The following CAMK2D variants were observed in gnomAD, a reference collection of about 807,000 sequenced individuals.
CAMK2D encodes calcium/calmodulin-dependent protein kinase type II subunit delta.
CAMK2D carries 37 observed loss-of-function variants against 84.0 expected under a neutral mutation model. The observed-to-expected ratio is 0.44, with a 90% CI of 0.34 to 0.58. CAMK2D has a LOEUF of 0.58. Ranked by LOEUF, CAMK2D falls within the 20% of genes least tolerant of loss-of-function variation. The pLI is 0.02. For synonymous variants in CAMK2D, 202 were observed against 212.5 expected, an observed-to-expected ratio of 0.95 and a Z score of 0.43; for missense variants, 448 against 652.5, an observed-to-expected ratio of 0.69 and a Z score of 3.41.
At chr4:113,492,447 C>A (rs974285657) in intron 16 of CAMK2D, among the ~76,000 whole-genome samples, 10 of 152,198 alleles carry the variant, frequency 6.6e-5, no homozygotes, top group Admixed American at 1.3e-4. Context: ...TGTAGTTGAG[C>A]GGTTTTGAGT....
At chr4:113,526,414 A>ATATGTGTGTGTGTGTGTGTG (rs1553930374) in intron 8 of CAMK2D, among the ~76,000 whole-genome samples, 308 of 149,664 alleles carry the variant, frequency 2.1e-3, no homozygotes, top group African/African-American at 7.0e-3. Context: ...GTCATTCTTG[A>ATATGTGTGTGTGTGTGTGTG]TGTGTGTGTG....
At chr4:113,588,388 A>T (rs533212002) in intron 4 of CAMK2D, among the ~76,000 whole-genome samples, 1 of 152,224 alleles carries the variant, frequency 6.6e-6, no homozygotes, top group African/African-American at 2.4e-5. Context: ...ATTTAAGTAC[A>T]TCATAAATAC....
intron 15 of CAMK2D, among the ~76,000 whole-genome samples, chr4:113,501,409 G>T (rs2098043672): frequency 6.6e-6 from 1 of 152,016 alleles, no homozygotes; most frequent in Non-Finnish European, 1.5e-5. Flanking sequence ...TACTTGGAAT[G>T]ATTAAATGCT....
Position 113,559,690 on chromosome 4 carries a change from C to T in CAMK2D, c.276-7594G>A, listed in dbSNP as rs993741617. On this transcript the variant is annotated intron_variant, in intron 4 of 20. Transcript: ENST00000511664. Reference sequence around the variant, plus strand: ...CATCACAGTTAAATTGTGTTTCACACGTTAATTGGGATGAAATCGTTTCTG... The same window carrying T: ...CATCACAGTTAAATTGTGTTTCACATGTTAATTGGGATGAAATCGTTTCTG... 8.5e-5 allele frequency among the ~76,000 whole-genome samples: 13 copies of T among 152,226 alleles called. No homozygotes were observed. The South Asian group carries it at 1.0e-3, about 12-fold the overall frequency.
chr4:113,710,429 T>C (rs1296057089), intron 2 of CAMK2D, among the ~76,000 whole-genome samples: 1 of 152,180 alleles, frequency 6.6e-6, no homozygotes, highest in Admixed American at 6.5e-5. Context: ...CATGTATTTC[T>C]AACCTCTGAC....
At chr4:113,712,019 C>T (rs991607149) in intron 2 of CAMK2D, among the ~76,000 whole-genome samples, 4 of 152,058 alleles carry the variant, frequency 2.6e-5, no homozygotes, top group Non-Finnish European at 5.9e-5. Context: ...AAACACCTAC[C>T]CCCACCCACC....
At chr4:113,677,816 GA>G (rs1328568538) in intron 2 of CAMK2D, among the ~76,000 whole-genome samples, 5 of 151,550 alleles carry the variant, frequency 3.3e-5, no homozygotes, top group Non-Finnish European at 7.4e-5. Context: ...GTATACAGAG[GA>G]AAAAAATGGC....
chr4:113,492,778 A>G (rs547388017), intron 16 of CAMK2D, among the ~76,000 whole-genome samples: 2 of 145,586 alleles, frequency 1.4e-5, no homozygotes, highest in South Asian at 4.4e-4. Flanking sequence ...TGGGAGTCTA[A>G]GTTTCTTTGT....
chr4:113,639,080 C>CAAAAAA (rs779226375), intron 3 of CAMK2D, among the ~76,000 whole-genome samples: 7 of 127,332 alleles, frequency 5.5e-5, no homozygotes, highest in African/African-American at 2.0e-4. Flanking sequence ...TTGCCTCTAC[C>CAAAAAA]AAAAAAAAAA....
chr4:113,647,261 A>G (rs1419497817), intron 3 of CAMK2D, among the ~76,000 whole-genome samples: 1 of 152,222 alleles, frequency 6.6e-6, no homozygotes, highest in African/African-American at 2.4e-5. Context: ...GCATCAGACT[A>G]TGCTACCTTG....
intron 13 of CAMK2D, among the ~76,000 whole-genome samples, chr4:113,507,381 G>A (rs2098142072): frequency 6.6e-6 from 1 of 151,412 alleles, no homozygotes; most frequent in Non-Finnish European, 1.5e-5. Flanking sequence ...CTCCCCAGTA[G>A]CTGGGATTAC....
intron 3 of CAMK2D, among the ~76,000 whole-genome samples, chr4:113,659,041 A>C (rs2099215544): frequency 2.0e-5 from 3 of 152,208 alleles, no homozygotes; most frequent in African/African-American, 7.2e-5. Context: ...TTTCCCCAGC[A>C]TTCTTTCTCT....
intron 3 of CAMK2D, among the ~76,000 whole-genome samples, chr4:113,618,374 T>C (rs6825865): frequency 0.011 from 1,705 of 152,312 alleles, 28 homozygotes; most frequent in African/African-American, 0.039. Context: ...GAATAGTAAA[T>C]GGAAAATCTT....
At chr4:113,739,256 T>C (rs1308262541) in intron 2 of CAMK2D, among the ~76,000 whole-genome samples, 4 of 152,148 alleles carry the variant, frequency 2.6e-5, no homozygotes, top group Admixed American at 6.6e-5. Context: ...TCACTGACCA[T>C]CAAACTAACC....
intron 16 of CAMK2D, among the ~76,000 whole-genome samples, chr4:113,493,485 G>A (rs1036860365): frequency 9.9e-5 from 15 of 152,124 alleles, no homozygotes; most frequent in African/African-American, 3.6e-4. Flanking sequence ...CTCTCTTCTG[G>A]CTTGTAGGGT....
At position 113,451,096 on chromosome 4, in the gene CAMK2D, C is replaced by T. The variant is rs561963489; in HGVS notation, c.*3449G>A. 3 of 152,128 alleles carry T rather than the reference C, an allele frequency of 2.0e-5. No individual in the cohort carries two copies. Among genetic ancestry groups the T allele is most frequent in the South Asian group, 4.2e-4 (2 of 4,818 alleles). The allele number at this position is 152,128 out of a possible 1,614,324, so 9.4% of individuals were successfully genotyped here. ...CGAAAGCTGTGTCATCTATGTTTACCCTTAAATTATAATTTTTTACATAAA... is the reference window on the plus strand; with the variant it reads ...CGAAAGCTGTGTCATCTATGTTTACTCTTAAATTATAATTTTTTACATAAA... On this transcript the variant is annotated 3_prime_UTR_variant, in exon 21 of 21. Transcript: ENST00000511664.
chr4:113,672,903 A>G (rs1230512956), intron 2 of CAMK2D, among the ~76,000 whole-genome samples: 1 of 152,198 alleles, frequency 6.6e-6, no homozygotes, highest in Non-Finnish European at 1.5e-5. Context: ...ACTATGACAT[A>G]TCAATTAAAA....
chr4:113,712,377 C>T (rs1222226411), intron 2 of CAMK2D, among the ~76,000 whole-genome samples: 1 of 152,084 alleles, frequency 6.6e-6, no homozygotes, highest in Non-Finnish European at 1.5e-5. Context: ...TAGACTTATG[C>T]TTTAAAGCTG....
chr4:113,504,318 T>C (rs10488891), intron 14 of CAMK2D, among the ~76,000 whole-genome samples: 5,863 of 152,306 alleles, frequency 0.038, 383 homozygotes, highest in East Asian at 0.22. Context: ...ATTGTGTGGA[T>C]TTGATTGAGA....
Sources: gnomAD v4.1 joint callset for allele counts (sites outside exome capture counted in the v4.1 genomes callset) on GRCh38, gnomAD v4.1.1 for gene constraint, MANE v1.5 for transcripts, NCBI Gene and HGNC (gene_info 2026-07-23, HGNC 2026-07-21) for gene names.